The following ST7 variants were observed in gnomAD, a reference collection of about 807,000 sequenced individuals.
The protein encoded by ST7 is suppressor of tumorigenicity 7 protein.
A neutral mutation model predicts 78.7 loss-of-function variants in ST7; 28 were observed. That is an observed-to-expected ratio of 0.36 (90% CI 0.26 to 0.49). The LOEUF is 0.49. ST7 is among the 20% of genes least tolerant of loss of function. The pLI, the probability that ST7 is intolerant of heterozygous loss-of-function variation, is 0.99. For missense variants in ST7, 418 were observed against 696.0 expected, an observed-to-expected ratio of 0.60 and a Z score of 4.49; for synonymous variants, 247 against 249.6, an observed-to-expected ratio of 0.99 and a Z score of 0.10.
intron 1 of ST7, 31 bp from the exon 2 acceptor site, chr7:117,099,731 C>G: frequency 5.8e-6 from 9 of 1,553,986 alleles, no homozygotes; most frequent in Non-Finnish European, 7.1e-6. Context: ...ATTCCTTGTT[C>G]TTCTCCCTTT....
chr7:117,034,269 T>G (rs898690073), intron 1 of ST7, among the ~76,000 whole-genome samples: 1 of 152,222 alleles, frequency 6.6e-6, no homozygotes, highest in African/African-American at 2.4e-5. Context: ...TTAAAATATT[T>G]GTTGCCTAGT....
chr7:117,160,965 A>C (rs1325352476), intron 9 of ST7, among the ~76,000 whole-genome samples: 1 of 152,184 alleles, frequency 6.6e-6, no homozygotes, highest in Non-Finnish European at 1.5e-5. Context: ...GTGGGACTCC[A>C]GCTGTGGTTC....
intron 10 of ST7, chr7:117,187,853 A>G (rs1225539140): frequency 6.6e-6 from 1 of 152,188 alleles, no homozygotes; most frequent in Non-Finnish European, 1.5e-5. Context: ...ATACCCTAGA[A>G]AACAACATAT....
chr7:117,188,923 A>G (rs986900389), intron 10 of ST7, among the ~76,000 whole-genome samples: 7 of 152,160 alleles, frequency 4.6e-5, no homozygotes, highest in Non-Finnish European at 1.0e-4. Flanking sequence ...TTCTTCAATT[A>G]GCATTTCATA....
At chr7:117,098,561 CTG>C (rs1801305930) in intron 1 of ST7, 1 of 255,164 alleles carries the variant, frequency 3.9e-6, no homozygotes, top group East Asian at 1.2e-4. Flanking sequence ...AGAGTGGGAA[CTG>C]TGTCTGATTC....
At chr7:117,057,859 A>C (rs908387151) in intron 1 of ST7, among the ~76,000 whole-genome samples, 1 of 152,326 alleles carries the variant, frequency 6.6e-6, no homozygotes. Flanking sequence ...AAAAGTTACC[A>C]ATCAAAATCC....
At chr7:117,081,191 T>G (rs1799745960) in intron 1 of ST7, 1 of 152,140 alleles carries the variant, frequency 6.6e-6, no homozygotes, top group African/African-American at 2.4e-5. Context: ...GTTATATGAC[T>G]AGAATAAAAT....
At chr7:117,065,742 C>G (rs1798601246) in intron 1 of ST7, among the ~76,000 whole-genome samples, 1 of 152,224 alleles carries the variant, frequency 6.6e-6, no homozygotes, top group African/African-American at 2.4e-5. Context: ...CACCTCTCAG[C>G]AGCCAGTCAT....
At chr7:117,076,823 C>T (rs1350119176) in intron 1 of ST7, among the ~76,000 whole-genome samples, 5 of 152,232 alleles carry the variant, frequency 3.3e-5, no homozygotes, top group African/African-American at 9.6e-5. Flanking sequence ...GTGTTAACAG[C>T]TCAGAGGGCC....
At chr7:117,103,804 A>AT (rs1455347064) in intron 2 of ST7, among the ~76,000 whole-genome samples, 1 of 152,240 alleles carries the variant, frequency 6.6e-6, no homozygotes, top group Non-Finnish European at 1.5e-5. Flanking sequence ...AAGTGAAGAG[A>AT]CAAACCATAG....
chr7:116,982,017 A>G (rs1793981337), intron 1 of ST7, among the ~76,000 whole-genome samples: 1 of 151,888 alleles, frequency 6.6e-6, no homozygotes. Context: ...AAAGTGAGTA[A>G]TTAGTTGTGC....
At chr7:117,185,183 C>G (rs918463674) in intron 10 of ST7, among the ~76,000 whole-genome samples, 2 of 152,188 alleles carry the variant, frequency 1.3e-5, no homozygotes, top group Non-Finnish European at 2.9e-5. Context: ...TATACTATAG[C>G]AGGCATACTG....
At chr7:116,997,161 G>A (rs910714310) in intron 1 of ST7, among the ~76,000 whole-genome samples, 2 of 152,106 alleles carry the variant, frequency 1.3e-5, no homozygotes, top group East Asian at 1.9e-4. Flanking sequence ...GCAGACCTTC[G>A]CAGTGAGTGT....
chr7:116,973,453 C>T (rs1793540360), intron 1 of ST7, among the ~76,000 whole-genome samples: 1 of 152,154 alleles, frequency 6.6e-6, no homozygotes, highest in Admixed American at 6.5e-5. Flanking sequence ...GATGGGGTCT[C>T]CCCATGTTGC....
intron 15 of ST7, chr7:117,223,239 G>A: frequency 2.1e-6 from 1 of 475,546 alleles, no homozygotes; most frequent in Non-Finnish European, 3.8e-6. Flanking sequence ...GGTCCTTGTT[G>A]TTTCTTGCCT....
At chr7:117,214,910 T>TTGTGTGTGTGTG (rs147915016) in intron 13 of ST7, among the ~76,000 whole-genome samples, 1 of 143,154 alleles carries the variant, frequency 7.0e-6, no homozygotes, top group African/African-American at 2.5e-5. Flanking sequence ...GGAAGAACAT[T>TTGTGTGTGTGTG]TGTGTGTGTG....
chr7:117,049,368 C>T (rs1797652388), intron 1 of ST7, among the ~76,000 whole-genome samples: 2 of 152,196 alleles, frequency 1.3e-5, no homozygotes, highest in African/African-American at 4.8e-5. Flanking sequence ...CATCTGCTGC[C>T]TCTTGGTTGG....
At chr7:117,140,052 G>A (rs1805144542) in intron 9 of ST7, among the ~76,000 whole-genome samples, 2 of 152,140 alleles carry the variant, frequency 1.3e-5, no homozygotes, top group Non-Finnish European at 2.9e-5. Flanking sequence ...TGATTTTCTT[G>A]AGTGCTTAAG....
intron 1 of ST7, among the ~76,000 whole-genome samples, chr7:117,000,427 A>G (rs1221034935): frequency 2.6e-5 from 4 of 152,254 alleles, no homozygotes; most frequent in Non-Finnish European, 5.9e-5. Context: ...ACCATATTGA[A>G]TAGCACAGGC....
Sources: allele counts gnomAD v4.1 joint callset (sites outside exome capture counted in the v4.1 genomes callset), GRCh38; gene constraint gnomAD v4.1.1; transcripts MANE v1.5; gene names NCBI Gene and HGNC (gene_info 2026-07-23, HGNC 2026-07-21).